IGBP1: variants seen among roughly 807,000 people sequenced by gnomAD.
IGBP1 encodes the protein immunoglobulin binding protein 1, also known as immunoglobulin-binding protein 1.
Under a neutral mutation model 25.9 loss-of-function variants are expected in IGBP1, and 2 were observed. That is an observed-to-expected ratio of 0.08 (90% CI 0.03 to 0.24). The LOEUF (loss-of-function observed/expected upper bound fraction) is 0.24, where lower values mean the gene tolerates loss of function less well. Ranked by LOEUF, IGBP1 falls within the 10% of genes least tolerant of loss-of-function variation. The probability of loss-of-function intolerance (pLI) is 1.00; values close to 1 mark genes in which losing one functional copy is unlikely to be tolerated. For missense variants in IGBP1, 187 were observed against 260.4 expected, an observed-to-expected ratio of 0.72 and a Z score of 1.94; for synonymous variants, 96 against 93.4, an observed-to-expected ratio of 1.03 and a Z score of -0.16.
chrX:70,148,836 G>A lies in IGBP1; in HGVS notation c.754G>A (p.Ala252Thr). 1 of 1,179,732 alleles carries A rather than the reference G, an allele frequency of 8.5e-7. No homozygotes were observed. Among genetic ancestry groups the A allele is most frequent in the Non-Finnish European group, 1.2e-6 (1 of 866,462 alleles). Residue 252 changes from alanine (A) to threonine (T), a missense_variant, in exon 5 of 7, where the codon GCC (alanine) becomes ACC (threonine). Physicochemically the swap from Ala to Thr is moderately conservative, Grantham distance 58. Coordinates refer to ENST00000356413, the MANE Select transcript of IGBP1 (RefSeq NM_001551.3). ...CATTCTCACTCGGAACATGGCTCAA[G>A]CCAAGTAGGTAGTACTAGAAAGTTT... ...PFILTRNMAQAKVFGAGYPSL... is the reference protein window; with the variant it reads ...PFILTRNMAQTKVFGAGYPSL...
chrX:70,164,948 C>T (rs775536802), intron 6 of IGBP1: 1 of 111,270 alleles, frequency 9.0e-6, no homozygotes, highest in Admixed American at 9.6e-5. Flanking sequence ...GTGGTTCCAG[C>T]TACTCGGGAG....
Position 70,134,541 on chromosome X carries a change from A to G in IGBP1, c.207A>G (p.Glu69=). ...CTTCCAGCCGAAATGAAGATTTGGA[A>G]GAGATTGCTTCCACCGACCTGAAGT... ...LDLFSRNEDL[E]EIASTDLKYL... is the part of the protein sequence containing the mutation. The change falls in exon 3 of 7, where the codon GAA becomes GAG. Residue 69 remains glutamate (E), a synonymous_variant. Coordinates refer to ENST00000356413, the MANE Select transcript of IGBP1 (RefSeq NM_001551.3). The G allele has an allele frequency of 2.5e-6, 3 of 1,210,605 alleles. No homozygotes were observed. Among genetic ancestry groups the G allele is most frequent in the Non-Finnish European group, 3.4e-6 (3 of 894,861 alleles).
chrX:70,135,373 T>C (rs1470061049), intron 3 of IGBP1, among the ~76,000 whole-genome samples: 1 of 111,759 alleles, frequency 8.9e-6, no homozygotes, highest in African/African-American at 3.3e-5. Flanking sequence ...ACAAACTGTA[T>C]AGGTATTTGT....
intron 6 of IGBP1, among the ~76,000 whole-genome samples, chrX:70,150,544 AT>A (rs924526457): frequency 1.8e-5 from 2 of 112,102 alleles, no homozygotes; most frequent in African/African-American, 6.5e-5. Flanking sequence ...TCCAAATGTC[AT>A]GACATAAAAA....
chrX:70,148,752 CCTT>C lies in IGBP1; in HGVS notation c.679-5_679-3del. 1 of 1,166,691 alleles carries C rather than the reference CCTT, an allele frequency of 8.6e-7. No homozygotes were observed. ...CAAATTCACCTCTCATAATTAATTT[CCTT>C]CTTAGGCATCAACTTCTAACTCATC... On this transcript the variant is annotated splice_region_variant and splice_polypyrimidine_tract_variant and intron_variant, in intron 4 of 6. Transcript: ENST00000356413.
At chrX:70,141,934 G>T (rs2147571760) in intron 3 of IGBP1, among the ~76,000 whole-genome samples, 1 of 110,985 alleles carries the variant, frequency 9.0e-6, no homozygotes, top group African/African-American at 3.3e-5. Context: ...GGGGCTCTGA[G>T]AATTGAATTG....
At chrX:70,158,498 G>A (rs1179710398) in intron 6 of IGBP1, among the ~76,000 whole-genome samples, 1 of 111,217 alleles carries the variant, frequency 9.0e-6, no homozygotes, top group Non-Finnish European at 1.9e-5. Context: ...ACAAGTTTAG[G>A]AAAACATTTC....
rs183179131 is a variant in IGBP1 at position 70,141,318 on chromosome X, G to T, written c.483-5315G>T. Among the ~76,000 whole-genome samples the T allele has an allele frequency of 4.2e-3, 456 of 109,318 alleles. 4 individuals are homozygous for T. The highest frequency in any genetic ancestry group is 0.014 in the African/African-American group (433 of 29,906). The allele number at this position is 109,318 out of a possible 115,157, so 94.9% of individuals were successfully genotyped here. A position where few individuals can be genotyped will look rare whatever the true frequency, so the allele number is the denominator to read the frequency against. On this transcript the variant is annotated intron_variant, in intron 3 of 6. Coordinates refer to ENST00000356413, the MANE Select transcript of IGBP1 (RefSeq NM_001551.3). Reference sequence around the variant, plus strand: ...GCCAAGATTGCGCCACTGCACTCTAGCCTGGGCGACAGAGCAAGACCCTGT... The same window carrying T: ...GCCAAGATTGCGCCACTGCACTCTATCCTGGGCGACAGAGCAAGACCCTGT...
At chrX:70,157,281 T>C (rs1030423448) in intron 6 of IGBP1, among the ~76,000 whole-genome samples, 1 of 107,020 alleles carries the variant, frequency 9.3e-6, no homozygotes, top group African/African-American at 3.4e-5. Context: ...GGTGGGGGCA[T>C]AGGGAACAAA....
intron 6 of IGBP1, among the ~76,000 whole-genome samples, chrX:70,153,688 C>G (rs1246174482): frequency 1.8e-5 from 2 of 111,848 alleles, no homozygotes; most frequent in African/African-American, 6.5e-5. Context: ...AATTCAGAAG[C>G]AACTGGGTGG....
chrX:70,162,582 CTG>C (rs2085276384), intron 6 of IGBP1, among the ~76,000 whole-genome samples: 1 of 112,490 alleles, frequency 8.9e-6, no homozygotes, highest in South Asian at 3.7e-4. Flanking sequence ...TGATAAGAAA[CTG>C]GGTGTGGTTA....
At chrX:70,160,420 T>G (rs1181708066) in intron 6 of IGBP1, among the ~76,000 whole-genome samples, 1 of 112,079 alleles carries the variant, frequency 8.9e-6, no homozygotes, top group African/African-American at 3.2e-5. Context: ...AGATCTATAC[T>G]TTATGCCAGA....
chrX:70,153,878 T>C (rs1292852937), intron 6 of IGBP1, among the ~76,000 whole-genome samples: 1 of 110,935 alleles, frequency 9.0e-6, no homozygotes, highest in Non-Finnish European at 1.9e-5. Context: ...GATCTGAGAA[T>C]GACCAAAATC....
At chrX:70,150,815 C>T (rs1290711377) in intron 6 of IGBP1, among the ~76,000 whole-genome samples, 1 of 111,832 alleles carries the variant, frequency 8.9e-6, no homozygotes, top group Non-Finnish European at 1.9e-5. Context: ...CCTTTAGTGC[C>T]CAACTTGGTA....
At chrX:70,134,476 A>G (rs764329138) in intron 2 of IGBP1, 47 bp from the exon 3 acceptor site, 5 of 1,178,665 alleles carry the variant, frequency 4.2e-6, no homozygotes, top group Middle Eastern at 3.2e-4. Context: ...AAGGGCCACA[A>G]TTTGAATGCC....
chrX:70,153,044 G>T (rs1488588173), intron 6 of IGBP1, among the ~76,000 whole-genome samples: 1 of 111,896 alleles, frequency 8.9e-6, no homozygotes, highest in Non-Finnish European at 1.9e-5. Context: ...CAGAGAGAAA[G>T]AGGAAATTTT....
chrX:70,165,914 C>A lies in IGBP1; in HGVS notation c.953C>A (p.Ala318Asp). ...EEDDEQTLHRAREWDDWKDTH... is the reference protein window; with the variant it reads ...EEDDEQTLHRDREWDDWKDTH... ...GATGATGAACAAACACTCCACAGAG[C>A]CCGGGAGTGGGATGACTGGAAGGAC... The change falls in exon 7 of 7, where the codon GCC (alanine) becomes GAC (aspartate). Residue 318 changes from alanine (A) to aspartate (D), a missense_variant. Ala to Asp is a moderately radical substitution (Grantham distance 126). Coordinates refer to ENST00000356413, the MANE Select transcript of IGBP1 (RefSeq NM_001551.3). 8.3e-7 allele frequency: 1 copy of A among 1,209,409 alleles called. No homozygotes were observed. The highest frequency in any genetic ancestry group is 1.1e-6 in the Non-Finnish European group (1 of 893,666).
chrX:70,147,872 A>G (rs1334800854), intron 4 of IGBP1, among the ~76,000 whole-genome samples: 2 of 112,140 alleles, frequency 1.8e-5, no homozygotes, highest in South Asian at 3.7e-4. Context: ...GATTTGTACT[A>G]ATTAGCCCAG....
intron 6 of IGBP1, among the ~76,000 whole-genome samples, chrX:70,156,661 T>G: frequency 8.9e-6 from 1 of 112,438 alleles, no homozygotes; most frequent in Non-Finnish European, 1.9e-5. Flanking sequence ...CGTTAATGGC[T>G]GGGTGCGGTG....
Sources: gnomAD v4.1 joint callset for allele counts (sites outside exome capture counted in the v4.1 genomes callset) on GRCh38, gnomAD v4.1.1 for gene constraint, MANE v1.5 for transcripts, NCBI Gene and HGNC (gene_info 2026-07-23, HGNC 2026-07-21) for gene names.